The following MMS22L variants were observed in gnomAD, a reference collection of about 807,000 sequenced individuals.
MMS22L encodes the protein protein MMS22-like.
A neutral mutation model predicts 159.1 loss-of-function variants in MMS22L; 74 were observed. The observed-to-expected ratio is 0.47, with a 90% confidence interval of 0.39 to 0.56. The LOEUF (loss-of-function observed/expected upper bound fraction) is 0.56. MMS22L is among the 20% of genes least tolerant of loss of function. The pLI is 0.00. For synonymous variants in MMS22L, 517 were observed against 506.9 expected, an observed-to-expected ratio of 1.02 and a Z score of -0.27; for missense variants, 1,351 against 1,422.1, an observed-to-expected ratio of 0.95 and a Z score of 0.80.
chr6:97,173,048 G>A lies in MMS22L; in HGVS notation c.2839+15C>T. On this transcript the variant is annotated intron_variant, in intron 19 of 24. Transcript: ENST00000683635. ...AAGGAAATGTTACTAGCAAAATAATGCCAGGAATACATACCCATCATTCCA... is the reference window on the plus strand; with the variant it reads ...AAGGAAATGTTACTAGCAAAATAATACCAGGAATACATACCCATCATTCCA... 1 of 1,602,684 alleles carries A rather than the reference G, an allele frequency of 6.2e-7. No individual in the cohort carries two copies. Among genetic ancestry groups the A allele is most frequent in the Admixed American group, 1.8e-5 (1 of 56,824 alleles).
At chr6:97,152,805 C>T (rs964293510) in intron 22 of MMS22L, among the ~76,000 whole-genome samples, 1 of 118,532 alleles carries the variant, frequency 8.4e-6, no homozygotes, top group Admixed American at 8.3e-5. Flanking sequence ...TTTAACTGAA[C>T]TACCTTTTTT....
intron 20 of MMS22L, among the ~76,000 whole-genome samples, chr6:97,165,971 A>G (rs1293887057): frequency 3.3e-5 from 5 of 152,136 alleles, no homozygotes; most frequent in African/African-American, 4.8e-5. Flanking sequence ...TAGTTTTCCT[A>G]TAACAGGCAC....
At chr6:97,251,224 G>A (rs570729508) in intron 10 of MMS22L, among the ~76,000 whole-genome samples, 51 of 152,268 alleles carry the variant, frequency 3.3e-4, no homozygotes, top group Non-Finnish European at 5.7e-4. Context: ...AGACCTATTC[G>A]TAAGAGGCAA....
chr6:97,279,714 A>G (rs1816581775), intron 3 of MMS22L, among the ~76,000 whole-genome samples: 2 of 151,362 alleles, frequency 1.3e-5, no homozygotes, highest in Non-Finnish European at 2.9e-5. Flanking sequence ...TAAACTCGGG[A>G]GGCGGAAGTT....
Position 97,272,789 on chromosome 6 carries a change from A to G in MMS22L, c.521T>C (p.Leu174Pro). The G allele has an allele frequency of 1.2e-6, 2 of 1,614,008 alleles. No individual in the cohort carries two copies. The highest frequency in any genetic ancestry group is 1.7e-6 in the Non-Finnish European group (2 of 1,179,878). ...TCCAATATACAAGAGTAATCCATGA[A>G]GCTCATCAATCAACACTGAGGGAAG... ...AQLPSVLIDELHGLLLYIGHL... is the reference protein window; with the variant it reads ...AQLPSVLIDEPHGLLLYIGHL... Residue 174 changes from leucine (L) to proline (P), a missense_variant, in exon 6 of 25, where the codon CTT (leucine) becomes CCT (proline). Physicochemically the swap from Leu to Pro is moderately conservative, Grantham distance 98. Transcript: ENST00000683635.
At chr6:97,153,039 G>A (rs911837811) in intron 22 of MMS22L, among the ~76,000 whole-genome samples, 2 of 151,658 alleles carry the variant, frequency 1.3e-5, no homozygotes, top group Non-Finnish European at 2.9e-5. Flanking sequence ...TGGAGGTCTC[G>A]CTATGTTGCC....
At chr6:97,244,437 G>C (rs1373677956) in intron 11 of MMS22L, among the ~76,000 whole-genome samples, 1 of 152,212 alleles carries the variant, frequency 6.6e-6, no homozygotes, top group African/African-American at 2.4e-5. Context: ...TCCTGGGTGT[G>C]TCTGTGAGGG....
At chr6:97,166,846 C>A (rs950527600) in intron 20 of MMS22L, among the ~76,000 whole-genome samples, 1 of 152,080 alleles carries the variant, frequency 6.6e-6, no homozygotes, top group Non-Finnish European at 1.5e-5. Context: ...GTGGGATTGG[C>A]GGTTCAGGCT....
chr6:97,238,605 T>TGTGTGTGTGTG (rs1562493371), intron 11 of MMS22L, among the ~76,000 whole-genome samples: 3 of 119,818 alleles, frequency 2.5e-5, no homozygotes, highest in African/African-American at 1.0e-4. Context: ...GTGTGTGTGT[T>TGTGTGTGTGTG]TGAGTGTATC....
intron 22 of MMS22L, among the ~76,000 whole-genome samples, chr6:97,158,913 A>T (rs987123581): frequency 1.3e-5 from 2 of 152,096 alleles, no homozygotes; most frequent in Admixed American, 6.6e-5. Context: ...GGGGTGTTAA[A>T]GTCTCCCACT....
chr6:97,199,710 T>TTC (rs753011848), intron 14 of MMS22L, among the ~76,000 whole-genome samples: 24 of 152,032 alleles, frequency 1.6e-4, no homozygotes, highest in Non-Finnish European at 3.1e-4. Flanking sequence ...TTTTTTTTTT[T>TTC]CTTTTTGGAT....
Position 97,228,956 on chromosome 6 carries a change from T to A in MMS22L, c.1977A>T (p.Ala659=), listed in dbSNP as rs144156374. ...LNDGFSMLLR[A]CRESELRTVL... ...CTGTCCTAAGTTCAGATTCTCGACA[T>A]GCTCGCAGAAGCATACTAAATCCAT... Residue 659 remains alanine (A), a synonymous_variant, in exon 14 of 25, where the codon GCA becomes GCT. Coordinates refer to ENST00000683635, the MANE Select transcript of MMS22L (RefSeq NM_001350599.2). 5.6e-6 allele frequency: 9 copies of A among 1,614,020 alleles called. No homozygotes were observed. The African/African-American group carries it at 1.2e-4, about 22-fold the overall frequency.
intron 11 of MMS22L, among the ~76,000 whole-genome samples, chr6:97,245,325 A>C (rs1812509481): frequency 6.6e-6 from 1 of 151,928 alleles, no homozygotes; most frequent in South Asian, 2.1e-4. Context: ...TGAAAATTAA[A>C]CCCCTAGTTA....
At position 97,182,013 on chromosome 6, in the gene MMS22L, A is replaced by G. The variant is rs138504053; in HGVS notation, c.2275T>C (p.Ser759Pro). Reference protein sequence around the residue: ...LAMDMPSTAPSDFQPQPVISI... With the variant: ...LAMDMPSTAPPDFQPQPVISI... ...ATAACTGGCTGAGGCTGAAAATCTG[A>G]TGGAGCTGTGCTTGGCATGTCCATT... The change falls in exon 16 of 25, where the codon TCA becomes CCA. Residue 759 changes from serine to proline, a missense_variant. Ser to Pro is a moderately conservative substitution (Grantham distance 74). Transcript: ENST00000683635. The G allele has an allele frequency of 2.2e-4, 361 of 1,613,638 alleles. 1 individual carries two copies. Among genetic ancestry groups the G allele is most frequent in the African/African-American group, 4.0e-5 (3 of 74,922 alleles).
chr6:97,164,834 GT>G (rs1300835120), intron 21 of MMS22L, among the ~76,000 whole-genome samples: 1 of 151,932 alleles, frequency 6.6e-6, no homozygotes, highest in African/African-American at 2.4e-5. Flanking sequence ...GGCCAGGCTG[GT>G]CTCGAACTCC....
At chr6:97,163,141 T>C (rs1802618090) in intron 21 of MMS22L, among the ~76,000 whole-genome samples, 1 of 152,004 alleles carries the variant, frequency 6.6e-6, no homozygotes. Context: ...GAATTCCTAA[T>C]GCCTAGAACA....
intron 3 of MMS22L, 117 bp from the exon 4 acceptor site, chr6:97,279,015 T>C (rs1210539972): frequency 2.8e-6 from 2 of 705,890 alleles, no homozygotes; most frequent in East Asian, 2.7e-5. Context: ...TTGGGGATGA[T>C]GATTAATACC....
At chr6:97,265,452 T>A (rs1198130651) in intron 8 of MMS22L, 1 of 152,116 alleles carries the variant, frequency 6.6e-6, no homozygotes, top group Non-Finnish European at 1.5e-5. Context: ...AATGATTTCT[T>A]GGATATGACC....
intron 8 of MMS22L, chr6:97,264,969 C>G (rs1000719857): frequency 6.6e-6 from 1 of 152,078 alleles, no homozygotes; most frequent in South Asian, 2.1e-4. Flanking sequence ...CCATACTACC[C>G]AAAGTGACCT....
Sources: allele counts gnomAD v4.1 joint callset (sites outside exome capture counted in the v4.1 genomes callset), GRCh38; gene constraint gnomAD v4.1.1; transcripts MANE v1.5; gene names NCBI Gene and HGNC (gene_info 2026-07-23, HGNC 2026-07-21).